The following NSMCE2 variants were observed in gnomAD, a reference collection of about 807,000 sequenced individuals.
The protein encoded by NSMCE2 is NSE2 SUMO ligase component of SMC5/6 complex.
In NSMCE2, 24 loss-of-function variants were observed where a neutral mutation model predicts 23.8. The observed-to-expected ratio is 1.01, with a 90% confidence interval of 0.73 to 1.42. NSMCE2 has a LOEUF of 1.42. Ranked by LOEUF, NSMCE2 falls within the 40% of genes most tolerant of loss-of-function variation. NSMCE2 has a pLI of 0.00. For missense variants in NSMCE2, 284 were observed against 296.5 expected (o/e 0.96, Z 0.31); for synonymous variants, 92 against 94.1 (o/e 0.98, Z 0.13).
chr8:125,228,751 C>A (rs919112185), intron 5 of NSMCE2, among the ~76,000 whole-genome samples: 3 of 152,150 alleles, frequency 2.0e-5, no homozygotes, highest in Non-Finnish European at 4.4e-5. Context: ...AGCCAGTGAA[C>A]CTACAGCAAG....
rs994677628 is a variant in NSMCE2, at chr8:125,151,077, A to C, written c.158-94A>C. On this transcript the variant is annotated intron_variant, in intron 3 of 7. Transcript: ENST00000287437. ...ATGTAATAGCTCTACAAAATTATTT[A>C]GACCATTGACTGATGTAGATTGTAT... 7.6e-6 allele frequency: 4 copies of C among 528,814 alleles called. No homozygotes were observed. The African/African-American group carries it at 7.7e-5, about 10-fold the overall frequency. The allele number at this position is 528,814 out of a possible 1,614,324, so 32.8% of individuals were successfully genotyped here.
chr8:125,366,406 G>C (rs1813795837), intron 7 of NSMCE2, among the ~76,000 whole-genome samples: 1 of 152,148 alleles, frequency 6.6e-6, no homozygotes, highest in Non-Finnish European at 1.5e-5. Context: ...CGGGCGTGGT[G>C]GTGGGTGCCT....
intron 3 of NSMCE2, among the ~76,000 whole-genome samples, chr8:125,128,597 A>G (rs73704537): frequency 1.3e-5 from 2 of 152,332 alleles, no homozygotes; most frequent in African/African-American, 4.8e-5. Context: ...CACAAATCTC[A>G]AGCCTGAAGT....
chr8:125,222,538 A>C (rs1317251062), intron 5 of NSMCE2, among the ~76,000 whole-genome samples: 2 of 151,738 alleles, frequency 1.3e-5, no homozygotes, highest in African/African-American at 4.8e-5. Context: ...CCTTCCCCCA[A>C]CCTCTGGTAA....
intron 5 of NSMCE2, among the ~76,000 whole-genome samples, chr8:125,313,102 GA>G (rs769663005): frequency 0.011 from 1,199 of 106,980 alleles, 11 homozygotes; most frequent in African/African-American, 0.034. Flanking sequence ...ACTTAAAGTG[GA>G]AAAAAAAAAA....
intron 4 of NSMCE2, among the ~76,000 whole-genome samples, chr8:125,161,441 C>A (rs1207808698): frequency 2.6e-5 from 4 of 152,040 alleles, no homozygotes; most frequent in Admixed American, 2.0e-4. Flanking sequence ...TTCAAATTAT[C>A]ATTTAGTCAT....
Position 125,239,999 on chromosome 8 carries a change from C to A in NSMCE2, c.418+57743C>A, listed in dbSNP as rs534483858. 2.5e-4 allele frequency among the ~76,000 whole-genome samples: 38 copies of A among 152,242 alleles called. No individual in the cohort carries two copies. The Middle Eastern group carries it at 0.01, about 41-fold the overall frequency. ...CACTGTCAGCCTTTGTTTTCTCTTTCCTACTGTTGAGGGTCAGGGTCTAAA... is the reference window on the plus strand; with the variant it reads ...CACTGTCAGCCTTTGTTTTCTCTTTACTACTGTTGAGGGTCAGGGTCTAAA... On this transcript the variant is annotated intron_variant, in intron 5 of 7. Coordinates refer to ENST00000287437, the MANE Select transcript of NSMCE2 (RefSeq NM_173685.4).
At chr8:125,130,120 G>A in intron 3 of NSMCE2, 1 of 338,020 alleles carries the variant, frequency 3.0e-6, no homozygotes, top group Non-Finnish European at 6.1e-6. Flanking sequence ...TTGTAATCCT[G>A]ACAGTTTTGA....
At chr8:125,113,566 T>G (rs1425469606) in intron 3 of NSMCE2, among the ~76,000 whole-genome samples, 1 of 152,106 alleles carries the variant, frequency 6.6e-6, no homozygotes, top group East Asian at 1.9e-4. Context: ...GAGATTAAAG[T>G]GTACTAATAA....
At chr8:125,190,593 T>C (rs1823301412) in intron 5 of NSMCE2, among the ~76,000 whole-genome samples, 1 of 152,230 alleles carries the variant, frequency 6.6e-6, no homozygotes, top group Non-Finnish European at 1.5e-5. Flanking sequence ...GGAGTTTTAA[T>C]GAGGTCATTA....
In NSMCE2 at chr8:125,192,627, A is replaced by C. The variant is rs144015922; in HGVS notation, c.418+10371A>C. Reference sequence around the variant, plus strand: ...ATCGAGCACAGTCATACAATTTTACACATTCAAATAATACTAATGACTTGC... The same window carrying C: ...ATCGAGCACAGTCATACAATTTTACCCATTCAAATAATACTAATGACTTGC... On this transcript the variant is annotated intron_variant, in intron 5 of 7. Transcript: ENST00000287437. Among the ~76,000 whole-genome samples, 87 of 152,350 alleles carry C rather than the reference A, an allele frequency of 5.7e-4. 1 individual carries two copies. The East Asian group carries it at 0.015, about 26-fold the overall frequency.
chr8:125,155,052 C>T (rs1172040748), intron 4 of NSMCE2, among the ~76,000 whole-genome samples: 1 of 152,108 alleles, frequency 6.6e-6, no homozygotes, highest in African/African-American at 2.4e-5. Flanking sequence ...CTTCTAGTTG[C>T]AAGAAATAGG....
At chr8:125,170,000 G>A (rs1211973179) in intron 4 of NSMCE2, among the ~76,000 whole-genome samples, 1 of 151,344 alleles carries the variant, frequency 6.6e-6, no homozygotes, top group Non-Finnish European at 1.5e-5. Context: ...CTTTCTTACA[G>A]CCTGCTCTGA....
chr8:125,321,444 A>T (rs184364520), intron 5 of NSMCE2, among the ~76,000 whole-genome samples: 1 of 152,328 alleles, frequency 6.6e-6, no homozygotes, highest in African/African-American at 2.4e-5. Context: ...CTTCGTGGTG[A>T]ATTCTACCAA....
intron 3 of NSMCE2, among the ~76,000 whole-genome samples, chr8:125,123,704 G>A (rs939466644): frequency 2.0e-5 from 3 of 152,178 alleles, no homozygotes; most frequent in African/African-American, 7.2e-5. Context: ...GGAACATTAA[G>A]TAAAGAATCC....
chr8:125,270,157 T>TTA (rs1231975181), intron 5 of NSMCE2, among the ~76,000 whole-genome samples: 3 of 152,110 alleles, frequency 2.0e-5, no homozygotes, highest in Non-Finnish European at 4.4e-5. Flanking sequence ...ATGAACATCC[T>TTA]TATATGACTT....
At chr8:125,277,585 C>A (rs1261280333) in intron 5 of NSMCE2, among the ~76,000 whole-genome samples, 1 of 151,940 alleles carries the variant, frequency 6.6e-6, no homozygotes, top group Admixed American at 6.6e-5. Flanking sequence ...CAGCTCACTG[C>A]AAGCTCCGCC....
At chr8:125,279,738 A>G (rs1827621687) in intron 5 of NSMCE2, among the ~76,000 whole-genome samples, 1 of 152,246 alleles carries the variant, frequency 6.6e-6, no homozygotes, top group East Asian at 1.9e-4. Context: ...ATCCATATTT[A>G]AAATGTTGAC....
rs1174718163 is a variant in NSMCE2, at chr8:125,257,522, CTTTTTTTT to C, written c.418+75286_418+75293del. On this transcript the variant is annotated intron_variant, in intron 5 of 7. Transcript: ENST00000287437. ...CCAAGCTGGACAAAACCAAATTTCTCTTTTTTTTTTTTTTTTTTTTTTTTTTTCTGAGA... is the reference window on the plus strand; with the variant it reads ...CCAAGCTGGACAAAACCAAATTTCTCTTTTTTTTTTTTTTTTTTTCTGAGA... Among the ~76,000 whole-genome samples the C allele has an allele frequency of 4.4e-4, 37 of 84,626 alleles. 1 individual carries two copies. The highest frequency in any genetic ancestry group is 3.0e-3 in the South Asian group (7 of 2,296). The allele number at this position is 84,626 out of a possible 152,430, so 55.5% of individuals were successfully genotyped here.
Sources: allele counts gnomAD v4.1 joint callset (sites outside exome capture counted in the v4.1 genomes callset), GRCh38; gene constraint gnomAD v4.1.1; transcripts MANE v1.5; gene names NCBI Gene and HGNC (gene_info 2026-07-23, HGNC 2026-07-21).